The following FIRRM variants were observed in gnomAD, a reference collection of about 807,000 sequenced individuals.
The protein encoded by FIRRM is FIGNL1-interacting regulator of recombination and mitosis.
chr1:169,800,809 C>A, the FIRRM span: 1 of 582,442 alleles, frequency 1.7e-6, no homozygotes, highest in Non-Finnish European at 3.0e-6. Context: ...AGTATTCTTG[C>A]ATTTAATAAA....
At chr1:169,842,312 T>C in the FIRRM span, 31 of 1,114,780 alleles carry the variant, frequency 2.8e-5, no homozygotes, top group African/African-American at 2.7e-4. Flanking sequence ...ACATGGACTT[T>C]ATGAAGAGTT....
chr1:169,825,517 A>G, the FIRRM span, among the ~76,000 whole-genome samples: 81 of 152,380 alleles, frequency 5.3e-4, no homozygotes, highest in Non-Finnish European at 6.2e-4. Flanking sequence ...CTTAGTAAAC[A>G]TATGTCAAAT....
the FIRRM span, chr1:169,853,890 C>T: frequency 1.1e-4 from 118 of 1,091,906 alleles, 1 homozygote; most frequent in East Asian, 1.7e-3. Flanking sequence ...AACACTACCT[C>T]GTACTAAGTA....
the FIRRM span, among the ~76,000 whole-genome samples, chr1:169,815,926 C>T: frequency 3.6e-4 from 55 of 152,122 alleles, no homozygotes; most frequent in Non-Finnish European, 6.6e-4. Flanking sequence ...TGATGATATT[C>T]CTGCCTAACT....
the FIRRM span, chr1:169,843,889 A>T: frequency 1.6e-6 from 1 of 632,638 alleles, no homozygotes; most frequent in Non-Finnish European, 2.8e-6. Context: ...TCATATATTG[A>T]CTTGTCTTCA....
At chr1:169,832,473 G>A in the FIRRM span, 84 of 1,613,752 alleles carry the variant, frequency 5.2e-5, no homozygotes, top group Non-Finnish European at 7.0e-5. Flanking sequence ...TACTGTTGAA[G>A]CGTCTCTTTT....
the FIRRM span, chr1:169,829,508 A>C: frequency 4.8e-6 from 7 of 1,466,938 alleles, no homozygotes; most frequent in Admixed American, 2.2e-5. Flanking sequence ...TCTTCATTGA[A>C]ATTGTGATTC....
the FIRRM span, chr1:169,803,353 G>T: frequency 1.9e-6 from 3 of 1,578,352 alleles, no homozygotes; most frequent in Non-Finnish European, 2.6e-6. Flanking sequence ...TATAATCAAT[G>T]TGCATAGGGG....
chr1:169,851,587 C>CT, the FIRRM span: 2 of 552,064 alleles, frequency 3.6e-6, no homozygotes, highest in Non-Finnish European at 3.2e-6. Flanking sequence ...GGTTAGCAGA[C>CT]TATCATTTTT....
chr1:169,833,159 G>C, the FIRRM span, among the ~76,000 whole-genome samples: 1 of 152,088 alleles, frequency 6.6e-6, no homozygotes, highest in Non-Finnish European at 1.5e-5. Flanking sequence ...TGCTCTTAGT[G>C]GTCTTTACTT....
At chr1:169,840,596 T>C in the FIRRM span, among the ~76,000 whole-genome samples, 3 of 150,970 alleles carry the variant, frequency 2.0e-5, no homozygotes, top group African/African-American at 7.3e-5. Flanking sequence ...CTGTGAGCTC[T>C]GCCTCCTGGG....
the FIRRM span, among the ~76,000 whole-genome samples, chr1:169,848,992 C>G: frequency 5.9e-5 from 9 of 152,110 alleles, no homozygotes; most frequent in Non-Finnish European, 1.3e-4. Flanking sequence ...AGTAATGAAC[C>G]AAACTAATAA....
chr1:169,813,695 G>A, the FIRRM span, among the ~76,000 whole-genome samples: 29 of 152,220 alleles, frequency 1.9e-4, no homozygotes, highest in Non-Finnish European at 3.2e-4. Context: ...GAAGGTTAGC[G>A]GTCTTATAAA....
chr1:169,798,991 T>A, the FIRRM span: 1 of 954,558 alleles, frequency 1.0e-6, no homozygotes, highest in Non-Finnish European at 1.6e-6. Flanking sequence ...TATGATGTAC[T>A]TTGATGTTAA....
chr1:169,830,372 ATTGGTT>A, the FIRRM span: 65 of 1,569,782 alleles, frequency 4.1e-5, no homozygotes, highest in Middle Eastern at 8.4e-4. Flanking sequence ...TGTTCTTTGG[ATTGGTT>A]ATTAGTAGTG....
At chr1:169,817,114 CA>C in the FIRRM span, among the ~76,000 whole-genome samples, 8 of 150,996 alleles carry the variant, frequency 5.3e-5, no homozygotes, top group Admixed American at 5.3e-4. Context: ...ACATTTTAAA[CA>C]AAAAGTAAAA....
chr1:169,818,012 G>A, the FIRRM span, among the ~76,000 whole-genome samples: 7 of 151,782 alleles, frequency 4.6e-5, no homozygotes, highest in Admixed American at 6.6e-5. Flanking sequence ...AACCTTCAGC[G>A]TTATCCTATT....
the FIRRM span, among the ~76,000 whole-genome samples, chr1:169,802,896 TATAAGAAGA>T: frequency 1.4e-5 from 2 of 146,030 alleles, no homozygotes; most frequent in Non-Finnish European, 3.0e-5. Flanking sequence ...AATAAACTCT[TATAAGAAGA>T]GAAGTCATCA....
the FIRRM span, chr1:169,829,394 G>A: frequency 6.2e-7 from 1 of 1,613,744 alleles, no homozygotes; most frequent in African/African-American, 1.3e-5. Context: ...CAGCATGTTT[G>A]TGTTCATCTG....
Sources: gnomAD v4.1 joint callset for allele counts (sites outside exome capture counted in the v4.1 genomes callset) on GRCh38, gnomAD v4.1.1 for gene constraint, MANE v1.5 for transcripts, NCBI Gene and HGNC (gene_info 2026-07-23, HGNC 2026-07-21) for gene names.